Variants in VPS72 observed in about 807,000 individuals in gnomAD.
VPS72 encodes the protein vacuolar protein sorting 72 homolog.
In VPS72, 27 loss-of-function variants were observed where a neutral mutation model predicts 38.9. That is an observed-to-expected ratio of 0.69 (90% confidence interval 0.51 to 0.96). The LOEUF is 0.96. Ranked by LOEUF, VPS72 falls within the 40% of genes least tolerant of loss-of-function variation. VPS72 has a pLI of 0.00. For missense variants in VPS72, 360 were observed against 479.5 expected, an observed-to-expected ratio of 0.75 and a Z score of 2.33; for synonymous variants, 173 against 186.3, an observed-to-expected ratio of 0.93 and a Z score of 0.58.
In VPS72 at chr1:151,185,542, G is replaced by T; in HGVS notation, c.349C>A (p.Leu117Ile). 6.2e-7 allele frequency: 1 copy of T among 1,614,146 alleles called. No homozygotes were observed. Among genetic ancestry groups the T allele is most frequent in the Non-Finnish European group, 8.5e-7 (1 of 1,180,028 alleles). Residue 117 changes from leucine (L) to isoleucine (I), a missense_variant, in exon 3 of 6, where the codon CTA (leucine) becomes ATA (isoleucine). This residue lies in a region of VPS72 where 294 missense variants were observed against 356.3 expected (regional missense o/e 0.83). Transcript: ENST00000368892. ...SSQKAREEKALLPLELQDDGS... is the reference protein window; with the variant it reads ...SSQKAREEKAILPLELQDDGS... ...TCATCTTGTAGTTCTAATGGCAGTA[G>T]TGCCTTCTCTTCTCGCGCCTTCTGA...
At chr1:151,185,345 C>T (rs1409590567) in intron 3 of VPS72, among the ~76,000 whole-genome samples, 161 bp downstream of exon 3, 1 of 152,070 alleles carries the variant, frequency 6.6e-6, no homozygotes, top group Non-Finnish European at 1.5e-5. Flanking sequence ...AGGCTGGTAT[C>T]GAACTCCTGA....
chr1:151,184,878 C>T (rs1684315214), intron 3 of VPS72, among the ~76,000 whole-genome samples: 1 of 152,132 alleles, frequency 6.6e-6, no homozygotes, highest in South Asian at 2.1e-4. Flanking sequence ...AGCAACCGTG[C>T]CTGGCCTGAA....
chr1:151,186,166 A>C (rs1403960108), intron 1 of VPS72, among the ~76,000 whole-genome samples: 1 of 152,022 alleles, frequency 6.6e-6, no homozygotes, highest in Non-Finnish European at 1.5e-5. Context: ...TACCTGCAAC[A>C]CACTGTTAAG....
intron 5 of VPS72, among the ~76,000 whole-genome samples, chr1:151,177,368 G>C (rs1184953322): frequency 7.3e-6 from 1 of 136,250 alleles, no homozygotes; most frequent in East Asian, 2.1e-4. Flanking sequence ...CTGGGTGACA[G>C]AGCAGCGAGA....
At chr1:151,180,720 G>C (rs1194402555) in intron 4 of VPS72, among the ~76,000 whole-genome samples, 4 of 152,178 alleles carry the variant, frequency 2.6e-5, no homozygotes, top group Non-Finnish European at 5.9e-5. Flanking sequence ...ACAGGCGTGA[G>C]CCACCACGCC....
Position 151,184,506 on chromosome 1 carries a change from G to C in VPS72, c.386-13C>G. On this transcript the variant is annotated splice_polypyrimidine_tract_variant and intron_variant, in intron 3 of 5. Coordinates refer to ENST00000368892, the MANE Select transcript of VPS72 (RefSeq NM_005997.3). ...ATAGACTTCCGACCTGGAAGAGAGT[G>C]AGATAAGAAGAAATCTTTGAATTCA... 6.3e-7 allele frequency: 1 copy of C among 1,581,226 alleles called. No individual in the cohort carries two copies. The highest frequency in any genetic ancestry group is 1.8e-5 in the Admixed American group (1 of 57,112).
At chr1:151,189,935 T>G (rs587712719) in intron 1 of VPS72, 70 bp downstream of exon 1, 1 of 1,545,622 alleles carries the variant, frequency 6.5e-7, no homozygotes, top group Non-Finnish European at 8.9e-7. Flanking sequence ...TCTTCTTCTT[T>G]GTCCGGGGTT....
At chr1:151,177,567 T>C (rs1390699587) in intron 5 of VPS72, among the ~76,000 whole-genome samples, 2 of 150,528 alleles carry the variant, frequency 1.3e-5, no homozygotes, top group Non-Finnish European at 3.0e-5. Flanking sequence ...GAAAAAGGAA[T>C]AAGAAAGAAA....
intron 1 of VPS72, 36 bp downstream of exon 1, chr1:151,189,969 C>G: frequency 6.2e-7 from 1 of 1,608,592 alleles, no homozygotes; most frequent in Non-Finnish European, 8.5e-7. Flanking sequence ...CTCCTCTTTG[C>G]CTCCTCCCCT....
At chr1:151,179,065 T>C (rs1684179065) in intron 4 of VPS72, among the ~76,000 whole-genome samples, 1 of 147,908 alleles carries the variant, frequency 6.8e-6, no homozygotes, top group Admixed American at 6.8e-5. Context: ...GTGGATCACC[T>C]AAGGAAAGGA....
chr1:151,189,397 T>C (rs1395298483), intron 1 of VPS72, among the ~76,000 whole-genome samples: 1 of 152,204 alleles, frequency 6.6e-6, no homozygotes, highest in Non-Finnish European at 1.5e-5. Flanking sequence ...TCTAACTTTA[T>C]ACAGTTTACA....
Position 151,179,139 on chromosome 1 carries a change from G to A in VPS72, c.563-994C>T, listed in dbSNP as rs114024157. Among the ~76,000 whole-genome samples, 725 of 152,006 alleles carry A rather than the reference G, an allele frequency of 4.8e-3. 9 individuals are homozygous for A. Among genetic ancestry groups the A allele is most frequent in the African/African-American group, 0.016 (681 of 41,436 alleles). ...TCTACTAAAAATACAAAAACTATCC[G>A]GGCGTGGTAGCACATGACTATAATC... On this transcript the variant is annotated intron_variant, in intron 4 of 5. Coordinates refer to ENST00000368892, the MANE Select transcript of VPS72 (RefSeq NM_005997.3).
chr1:151,188,046 G>GTTT (rs756901934), intron 1 of VPS72, among the ~76,000 whole-genome samples: 1 of 142,580 alleles, frequency 7.0e-6, no homozygotes. Context: ...AGTGATGTGG[G>GTTT]TTTTTTTTTT....
rs77773509 is a variant in VPS72, at chr1:151,184,226, C to T, written c.562+91G>A. 6.5e-3 allele frequency: 9,792 copies of T among 1,497,668 alleles called. 515 individuals carry two copies. The Admixed American group carries it at 0.12, about 18-fold the overall frequency. The allele number at this position is 1,497,668 out of a possible 1,614,324, so 92.8% of individuals were successfully genotyped here. A position where few individuals can be genotyped will look rare whatever the true frequency, so the allele number is the denominator to read the frequency against. ...TTCTGATTCCATCATCCCAAATTTCCATCTCTCCAGTTCTTTGGTCCTCCA... is the reference window on the plus strand; with the variant it reads ...TTCTGATTCCATCATCCCAAATTTCTATCTCTCCAGTTCTTTGGTCCTCCA... On this transcript the variant is annotated intron_variant, in intron 4 of 5. Coordinates refer to ENST00000368892, the MANE Select transcript of VPS72 (RefSeq NM_005997.3).
At chr1:151,177,105 G>C in intron 5 of VPS72, 74 bp from the exon 6 acceptor site, 2 of 1,454,712 alleles carry the variant, frequency 1.4e-6, no homozygotes, top group Non-Finnish European at 1.8e-6. Flanking sequence ...AAGGAAATCA[G>C]GCTGGGTGCA....
intron 1 of VPS72, among the ~76,000 whole-genome samples, chr1:151,189,691 G>A (rs587650085): frequency 6.6e-6 from 1 of 152,200 alleles, no homozygotes; most frequent in South Asian, 2.1e-4. Context: ...CGTGTATGCT[G>A]GACGTCAGAA....
chr1:151,184,770 A>G (rs1278791717), intron 3 of VPS72, among the ~76,000 whole-genome samples: 1 of 151,930 alleles, frequency 6.6e-6, no homozygotes, highest in East Asian at 1.9e-4. Context: ...TATTTTTAGT[A>G]GAGATGGGGT....
intron 4 of VPS72, 149 bp downstream of exon 4, chr1:151,184,168 G>T: frequency 9.5e-7 from 1 of 1,052,570 alleles, no homozygotes; most frequent in Admixed American, 2.3e-5. Context: ...CTAGACTCTT[G>T]CACCTAATTA....
intron 1 of VPS72, 114 bp from the exon 2 acceptor site, chr1:151,186,064 C>T: frequency 7.4e-7 from 1 of 1,348,074 alleles, no homozygotes; most frequent in Non-Finnish European, 1.0e-6. Context: ...CCTTCCTAAT[C>T]CAGCCCTTCA....
Sources: gnomAD v4.1 joint callset for allele counts (sites outside exome capture counted in the v4.1 genomes callset) on GRCh38, gnomAD v4.1.1 for gene constraint, gnomAD v4.1.1 regional missense constraint, MANE v1.5 for transcripts, NCBI Gene and HGNC (gene_info 2026-07-23, HGNC 2026-07-21) for gene names.